The following MICALL2 variants were observed in gnomAD, a reference collection of about 807,000 sequenced individuals.
MICALL2 encodes the protein MICAL-like protein 2.
In MICALL2, 111 loss-of-function variants were observed where a neutral mutation model predicts 91.1. The ratio of observed to expected loss-of-function variants is 1.22; its 90% CI spans 1.04 to 1.43. The LOEUF (loss-of-function observed/expected upper bound fraction) is 1.43, where lower values mean the gene tolerates loss of function less well. Ranked by LOEUF, MICALL2 falls within the 40% of genes most tolerant of loss-of-function variation. The pLI is 0.00. For missense variants in MICALL2, 1,556 were observed against 1,236.0 expected, an observed-to-expected ratio of 1.26 and a Z score of -3.88; for synonymous variants, 694 against 525.3, an observed-to-expected ratio of 1.32 and a Z score of -4.39.
chr7:1,458,076 C>G (rs1781081258), intron 1 of MICALL2, among the ~76,000 whole-genome samples: 1 of 152,262 alleles, frequency 6.6e-6, no homozygotes, highest in Admixed American at 6.5e-5. Context: ...CCTGGTGGCT[C>G]CACGAATGCA....
intron 1 of MICALL2, chr7:1,450,497 G>A (rs752915007): frequency 2.8e-5 from 16 of 569,280 alleles, no homozygotes; most frequent in Middle Eastern, 4.8e-4. Flanking sequence ...ACCGTAGTAC[G>A]ACATCAGACG....
At chr7:1,440,544 G>C in intron 8 of MICALL2, 47 bp downstream of exon 8, 1 of 1,499,156 alleles carries the variant, frequency 6.7e-7, no homozygotes. Flanking sequence ...CATTTATTAA[G>C]CACCTATGGT....
chr7:1,455,304 T>C (rs1318502544), intron 1 of MICALL2, among the ~76,000 whole-genome samples: 1 of 152,104 alleles, frequency 6.6e-6, no homozygotes, highest in Admixed American at 6.5e-5. Flanking sequence ...TGGGGCTGTT[T>C]GTTCTGGGTG....
rs1458420039 is a variant in MICALL2 at position 1,438,134 on chromosome 7, G to A, written c.2274C>T (p.Gly758=). The A allele has an allele frequency of 2.2e-5, 34 of 1,561,650 alleles. No individual in the cohort carries two copies. The highest frequency in any genetic ancestry group is 4.8e-5 in the East Asian group (2 of 42,028). Residue 758 remains glycine (G), a synonymous_variant, in exon 12 of 17, where the codon GGC becomes GGT. Coordinates refer to ENST00000297508, the MANE Select transcript of MICALL2 (RefSeq NM_182924.4). ...ERRLDALELR[G]VELEKRLRAA... is the part of the protein sequence containing the mutation. ...CCCGCAGTCGCTTCTCCAGCTCCACGCCGCGGAGCTCCAGGGCGTCCAGCC... is the reference window on the plus strand; with the variant it reads ...CCCGCAGTCGCTTCTCCAGCTCCACACCGCGGAGCTCCAGGGCGTCCAGCC...
At position 1,441,066 on chromosome 7, in the gene MICALL2, C is replaced by T. The variant is rs66868743; in HGVS notation, c.1712-382G>A. On this transcript the variant is annotated intron_variant, in intron 7 of 16. Coordinates refer to ENST00000297508, the MANE Select transcript of MICALL2 (RefSeq NM_182924.4). ...GGCTCCTGGGTCCTGCAGGATCCAG[C>T]GCGTGGCTTTAACAATGAGAACTCA... 5 of 251,714 alleles carry T rather than the reference C, an allele frequency of 2.0e-5. No homozygotes were observed. The East Asian group carries it at 2.6e-4, about 13-fold the overall frequency. 15.6% of individuals were successfully genotyped at this position (251,714 alleles called of 1,614,324 possible).
At chr7:1,443,521 T>C (rs1780413655) in intron 6 of MICALL2, among the ~76,000 whole-genome samples, 1 of 152,130 alleles carries the variant, frequency 6.6e-6, no homozygotes, top group Non-Finnish European at 1.5e-5. Context: ...AAGCTCAGAG[T>C]GTGACCTTAT....
chr7:1,440,832 G>C (rs558086573), intron 7 of MICALL2, 148 bp from the exon 8 acceptor site: 193 of 655,754 alleles, frequency 2.9e-4, no homozygotes, highest in Non-Finnish European at 4.5e-4. Flanking sequence ...GGCATCAGGA[G>C]CACCGGGCAG....
At position 1,448,681 on chromosome 7, in the gene MICALL2, G is replaced by A. The variant is rs78897087; in HGVS notation, c.273C>T (p.Asp91=). ...AEDMVALKVP[D]RLSILTYVSQ... ...ACACGTAGGTCAAGATGCTCAGCCG[G>A]TCAGGCACCTTCAAGGCCACCATGT... The change falls in exon 3 of 17, where the codon GAC becomes GAT. Residue 91 remains aspartate (D), a synonymous_variant. Coordinates refer to ENST00000297508, the MANE Select transcript of MICALL2 (RefSeq NM_182924.4). 8,065 of 1,612,782 alleles carry A rather than the reference G, an allele frequency of 5.0e-3. 367 individuals are homozygous for A. The African/African-American group carries it at 0.095, about 19-fold the overall frequency.
chr7:1,438,371 TGAGCCTCTGGGACCTGGGCCACCA>T lies in MICALL2; in HGVS notation c.2123-42_2123-19del. 1 of 1,592,936 alleles carries T rather than the reference TGAGCCTCTGGGACCTGGGCCACCA, an allele frequency of 6.3e-7. No individual in the cohort carries two copies. The highest frequency in any genetic ancestry group is 8.5e-7 in the Non-Finnish European group (1 of 1,171,100). On this transcript the variant is annotated intron_variant, in intron 10 of 16. Coordinates refer to ENST00000297508, the MANE Select transcript of MICALL2 (RefSeq NM_182924.4). ...GGGTCTCCCTGGAGAAGGAGCAGGG[TGAGCCTCTGGGACCTGGGCCACCA>T]GGCCCAACGTGACCAGGACACAGCT...
intron 3 of MICALL2, chr7:1,448,146 T>C (rs1044452238): frequency 2.1e-5 from 5 of 241,976 alleles, no homozygotes; most frequent in East Asian, 1.8e-4. Flanking sequence ...CCCAGTTCTA[T>C]CCGGGGGCCC....
chr7:1,436,547 G>A (rs1267777300), intron 15 of MICALL2, among the ~76,000 whole-genome samples, 195 bp downstream of exon 15: 5 of 81,616 alleles, frequency 6.1e-5, no homozygotes, highest in Non-Finnish European at 1.1e-4. Context: ...GCAAGACTCT[G>A]TCTCAAAAAA....
intron 5 of MICALL2, among the ~76,000 whole-genome samples, chr7:1,445,985 G>T (rs1259388130): frequency 6.6e-6 from 1 of 150,616 alleles, no homozygotes; most frequent in Non-Finnish European, 1.5e-5. Context: ...GACTGAGGCA[G>T]TGTGTGTGGA....
intron 9 of MICALL2, 136 bp from the exon 10 acceptor site, chr7:1,439,131 T>G (rs552664497): frequency 2.8e-6 from 2 of 713,198 alleles, no homozygotes; most frequent in African/African-American, 1.8e-5. Flanking sequence ...TGGCACAGGG[T>G]TGGCATCACA....
intron 1 of MICALL2, 111 bp from the exon 2 acceptor site, chr7:1,450,399 G>T: frequency 3.4e-6 from 3 of 875,660 alleles, no homozygotes; most frequent in Non-Finnish European, 5.8e-6. Context: ...CAGGATGGGG[G>T]GCTGTGAAGG....
At chr7:1,448,384 G>A (rs1243635264) in intron 3 of MICALL2, among the ~76,000 whole-genome samples, 6 of 152,206 alleles carry the variant, frequency 3.9e-5, no homozygotes, top group African/African-American at 7.2e-5. Flanking sequence ...TGAGGGCCCC[G>A]GTCCCTCTTG....
chr7:1,448,423 G>C (rs576655416), intron 3 of MICALL2, among the ~76,000 whole-genome samples, 197 bp downstream of exon 3: 88 of 152,330 alleles, frequency 5.8e-4, no homozygotes, highest in African/African-American at 1.9e-3. Context: ...GCTTTGCATG[G>C]GGCCGGGGTT....
chr7:1,446,616 C>CGGGG, intron 5 of MICALL2, 97 bp downstream of exon 5: 2 of 652,138 alleles, frequency 3.1e-6, no homozygotes, highest in Non-Finnish European at 4.9e-6. Context: ...GAACGAGGAG[C>CGGGG]GGGGAGGAGG....
At chr7:1,441,936 G>C in intron 7 of MICALL2, 1 of 551,926 alleles carries the variant, frequency 1.8e-6, no homozygotes, top group East Asian at 3.2e-5. Flanking sequence ...TGGGCTGCAG[G>C]CACCTGCAGG....
rs553622276 is a variant in MICALL2 at position 1,458,939 on chromosome 7, C to T, written c.143+245G>A. On this transcript the variant is annotated intron_variant, in intron 1 of 16. Coordinates refer to ENST00000297508, the MANE Select transcript of MICALL2 (RefSeq NM_182924.4). ...CTGGACTGAAGCCAGGGCCCAGGAG[C>T]CGCCCTGAGTCACGTCTGACTCAGC... Among the ~76,000 whole-genome samples the T allele has an allele frequency of 7.6e-4, 116 of 152,366 alleles. 2 individuals carry two copies. In the South Asian group the frequency reaches 0.021, roughly 28 times the overall value.
Sources: allele counts gnomAD v4.1 joint callset (sites outside exome capture counted in the v4.1 genomes callset), GRCh38; gene constraint gnomAD v4.1.1; transcripts MANE v1.5; gene names NCBI Gene and HGNC (gene_info 2026-07-23, HGNC 2026-07-21).